Variants in TAT observed in about 807,000 individuals in gnomAD.
The protein encoded by TAT is L-tyrosine:2-oxoglutarate aminotransferase.
TAT carries 35 observed loss-of-function variants against 53.6 expected under a neutral mutation model. That is an observed-to-expected ratio of 0.65 (90% confidence interval 0.50 to 0.87). The LOEUF (loss-of-function observed/expected upper bound fraction) is 0.87, where lower values mean the gene tolerates loss of function less well. Among genes scored for constraint, TAT ranks in the 40% least tolerant of loss-of-function variants. The probability of loss-of-function intolerance (pLI) is 0.00; values close to 1 mark genes in which losing one functional copy is unlikely to be tolerated. For missense variants in TAT, 525 were observed against 571.8 expected (o/e 0.92, Z 0.83); for synonymous variants, 197 against 206.5 (o/e 0.95, Z 0.39).
rs1194695486 is a variant in TAT, at chr16:71,565,993, G to A, written c.*2151C>T. On this transcript the variant is annotated 3_prime_UTR_variant, in exon 12 of 12. Transcript: ENST00000355962. ...TAATGCTGGGTAGAATTTTCTGTAC[G>A]TGTAAAACTAAAATGTCTTTTGTAA... 2 of 152,156 alleles carry A rather than the reference G, an allele frequency of 1.3e-5. No homozygotes were observed. Among genetic ancestry groups the A allele is most frequent in the East Asian group, 1.9e-4 (1 of 5,196 alleles). 9.4% of individuals were successfully genotyped at this position (152,156 alleles called of 1,614,324 possible). A position where few individuals can be genotyped will look rare whatever the true frequency, so the allele number is the denominator to read the frequency against.
At position 71,569,949 on chromosome 16, in the gene TAT, G is replaced by A. The variant is rs748571289; in HGVS notation, c.1042-12C>T. ...AGATCAGCATTGGACTACAAGAAGA[G>A]GCAAGGAGAAATCAAGGATCAAAAT... On this transcript the variant is annotated splice_polypyrimidine_tract_variant and intron_variant, in intron 9 of 11. Transcript: ENST00000355962. 1.8e-5 allele frequency: 29 copies of A among 1,610,968 alleles called. No individual in the cohort carries two copies. Among genetic ancestry groups the A allele is most frequent in the Non-Finnish European group, 2.3e-5 (27 of 1,178,580 alleles).
At chr16:71,571,577 T>C (rs770643888) in intron 7 of TAT, 29 bp downstream of exon 7, 4 of 1,594,828 alleles carry the variant, frequency 2.5e-6, no homozygotes, top group Non-Finnish European at 3.4e-6. Context: ...TTGAGATTAC[T>C]GTAGTGATAT....
At chr16:71,570,638 A>T in intron 8 of TAT, 41 bp downstream of exon 8, 1 of 1,613,826 alleles carries the variant, frequency 6.2e-7, no homozygotes. Context: ...TGAAATAAAT[A>T]TATACCCTAA....
rs16973331 is a variant in TAT, at chr16:71,568,762, C to T, written c.1173G>A (p.Glu391=). The T allele has an allele frequency of 6.8e-3, 11,033 of 1,614,008 alleles. 638 individuals carry two copies. The African/African-American group carries it at 0.13, about 19-fold the overall frequency. ...EHFPEFENDV[E]FTERLVAEQS... is the part of the protein sequence containing the mutation. ...GCTCAGCAACTAACCGCTCCGTGAACTCCACATCGTTCTCAAATTCTGGGA... is the reference window on the plus strand; with the variant it reads ...GCTCAGCAACTAACCGCTCCGTGAATTCCACATCGTTCTCAAATTCTGGGA... Residue 391 remains glutamate (E), a synonymous_variant, in exon 11 of 12, where the codon GAG becomes GAA. Transcript: ENST00000355962.
intron 3 of TAT, among the ~76,000 whole-genome samples, chr16:71,574,484 G>A (rs1374755668): frequency 6.7e-6 from 1 of 148,524 alleles, no homozygotes; most frequent in African/African-American, 2.5e-5. Flanking sequence ...AGGAGGCTGA[G>A]ACAGGAGAAT....
intron 3 of TAT, among the ~76,000 whole-genome samples, chr16:71,574,144 G>C (rs1189717555): frequency 2.0e-5 from 3 of 152,194 alleles, no homozygotes; most frequent in African/African-American, 7.2e-5. Context: ...TACAATTTTA[G>C]TATAAGCACG....
intron 4 of TAT, 80 bp downstream of exon 4, chr16:71,573,459 C>T (rs1215035263): frequency 7.5e-7 from 1 of 1,340,892 alleles, no homozygotes; most frequent in African/African-American, 1.5e-5. Flanking sequence ...GACACCCGTA[C>T]TTCTTGTGGA....
Position 71,572,559 on chromosome 16 carries a change from C to T in TAT, c.538G>A (p.Gly180Arg). ...SLYKTLAESMGIEVKLYNLLP... is the reference protein window; with the variant it reads ...SLYKTLAESMRIEVKLYNLLP... The stretch of plus-strand genomic sequence containing the variant: ...AAATTGTAGAGTTTGACCTCAATTC[C>T]CATAGACTCAGCCAGAGTCTTGTAG... The change falls in exon 5 of 12, where the codon GGA (glycine) becomes AGA (arginine). Residue 180 changes from glycine to arginine, a missense_variant. By Grantham distance (125) the Gly-to-Arg change is moderately radical. Transcript: ENST00000355962. The T allele has an allele frequency of 1.2e-6, 2 of 1,614,144 alleles. No homozygotes were observed. Among genetic ancestry groups the T allele is most frequent in the African/African-American group, 2.7e-5 (2 of 75,012 alleles).
At position 71,566,594 on chromosome 16, in the gene TAT, G is replaced by C. The variant is rs1467866759; in HGVS notation, c.*1550C>G. 2 of 152,082 alleles carry C rather than the reference G, an allele frequency of 1.3e-5. No homozygotes were observed. Among genetic ancestry groups the C allele is most frequent in the Non-Finnish European group, 2.9e-5 (2 of 68,046 alleles). The allele number at this position is 152,082 out of a possible 1,614,324, so 9.4% of individuals were successfully genotyped here. ...GCAAGCGTAGTAACTTGGGACCAGA[G>C]GTTAGGGATCCAGAAAGTTGAAAAT... is the stretch of plus-strand genomic sequence containing the variant. On this transcript the variant is annotated 3_prime_UTR_variant, in exon 12 of 12. Transcript: ENST00000355962.
intron 10 of TAT, among the ~76,000 whole-genome samples, chr16:71,569,567 C>T (rs536014564): frequency 1.7e-4 from 26 of 152,290 alleles, no homozygotes; most frequent in Non-Finnish European, 2.9e-4. Flanking sequence ...TCTCTAACTC[C>T]TGCGCTCAAG....
intron 1 of TAT, 65 bp from the exon 2 acceptor site, chr16:71,576,492 T>G: frequency 7.2e-7 from 1 of 1,380,026 alleles, no homozygotes; most frequent in Non-Finnish European, 1.0e-6. Context: ...AGGAGCTACA[T>G]TTGGACCTAA....
intron 10 of TAT, among the ~76,000 whole-genome samples, chr16:71,569,492 A>G (rs1389472515): frequency 2.0e-5 from 3 of 152,068 alleles, no homozygotes; most frequent in Non-Finnish European, 4.4e-5. Flanking sequence ...GTGTGCCACC[A>G]CGCCCAGCTC....
chr16:71,569,850 T>C lies in TAT; in HGVS notation c.1125+4A>G, dbSNP rs769702302. 91 of 1,613,142 alleles carry C rather than the reference T, an allele frequency of 5.6e-5. 4 individuals carry two copies. The highest frequency in any genetic ancestry group is 3.9e-4 in the South Asian group (35 of 90,774). On this transcript the variant is annotated splice_donor_region_variant and intron_variant, in intron 10 of 11. Coordinates refer to ENST00000355962, the MANE Select transcript of TAT (RefSeq NM_000353.3). ...GACCTAGTGCCTGCCACCCACATAC[T>C]CACCATGAGGTACATAGCCCCAGAA... is the stretch of plus-strand genomic sequence containing the variant.
At chr16:71,571,871 C>A in intron 6 of TAT, 1 of 649,580 alleles carries the variant, frequency 1.5e-6, no homozygotes, top group South Asian at 1.9e-5. Flanking sequence ...CATACTCTTC[C>A]AGAGTGCAGA....
chr16:71,576,352 C>T lies in TAT; in HGVS notation c.64G>A (p.Val22Ile). 6.2e-7 allele frequency: 1 copy of T among 1,614,204 alleles called. No homozygotes were observed. The highest frequency in any genetic ancestry group is 1.1e-5 in the South Asian group (1 of 91,084). Residue 22 changes from valine (V) to isoleucine (I), a missense_variant, in exon 2 of 12, where the codon GTC becomes ATC. Physicochemically the swap from Val to Ile is conservative, Grantham distance 29. Coordinates refer to ENST00000355962, the MANE Select transcript of TAT (RefSeq NM_000353.3). ...ACAGAGCTTCTCCCACCAACGTTGA[C>T]ATGCACGTCCAGAATTGAGGGGAGG... is the stretch of plus-strand genomic sequence containing the variant. ...GNLPSILDVH[V>I]NVGGRSSVPG...
At chr16:71,574,028 C>T (rs530135444) in intron 3 of TAT, among the ~76,000 whole-genome samples, 1 of 152,256 alleles carries the variant, frequency 6.6e-6, no homozygotes, top group East Asian at 1.9e-4. Context: ...GCCCTGGAGG[C>T]CCAGCATGGG....
Position 71,569,845 on chromosome 16 carries a change from C to G in TAT, c.1125+9G>C. ...GCATTGACCTAGTGCCTGCCACCCA[C>G]ATACTCACCATGAGGTACATAGCCC... On this transcript the variant is annotated intron_variant, in intron 10 of 11. Transcript: ENST00000355962. The G allele has an allele frequency of 6.2e-7, 1 of 1,613,072 alleles. No homozygotes were observed. The highest frequency in any genetic ancestry group is 8.5e-7 in the Non-Finnish European group (1 of 1,179,570).
intron 10 of TAT, 101 bp from the exon 11 acceptor site, chr16:71,568,910 T>G: frequency 1.3e-6 from 1 of 799,014 alleles, no homozygotes; most frequent in Non-Finnish European, 2.2e-6. Flanking sequence ...AAAGATATCT[T>G]GGAACTGTGC....
intron 11 of TAT, 103 bp from the exon 12 acceptor site, chr16:71,568,387 C>T (rs919768184): frequency 8.7e-7 from 1 of 1,143,574 alleles, no homozygotes; most frequent in Non-Finnish European, 1.3e-6. Context: ...ACCATTTCAT[C>T]AGGGCCATCA....
Sources: allele counts gnomAD v4.1 joint callset (sites outside exome capture counted in the v4.1 genomes callset), GRCh38; gene constraint gnomAD v4.1.1; transcripts MANE v1.5; gene names NCBI Gene and HGNC (gene_info 2026-07-23, HGNC 2026-07-21).